PPP6R3: variants seen among roughly 807,000 people sequenced by gnomAD.
The protein encoded by PPP6R3 is protein phosphatase 6 regulatory subunit 3.
A neutral mutation model predicts 110.7 loss-of-function variants in PPP6R3; 38 were observed. The ratio of observed to expected loss-of-function variants is 0.34; its 90% CI spans 0.26 to 0.45. The LOEUF (loss-of-function observed/expected upper bound fraction) is 0.45, where lower values mean the gene tolerates loss of function less well. Among genes scored for constraint, PPP6R3 ranks in the 20% least tolerant of loss-of-function variants. PPP6R3 has a pLI of 1.00. For missense variants in PPP6R3, 870 were observed against 1,062.4 expected (o/e 0.82, Z 2.52); for synonymous variants, 369 against 373.5 (o/e 0.99, Z 0.14).
At chr11:68,515,754 A>G (rs2099133450) in intron 1 of PPP6R3, among the ~76,000 whole-genome samples, 1 of 152,118 alleles carries the variant, frequency 6.6e-6, no homozygotes, top group Admixed American at 6.5e-5. Context: ...TTTAACTGTA[A>G]TTACTTCCTT....
intron 1 of PPP6R3, among the ~76,000 whole-genome samples, chr11:68,493,124 C>G (rs544063901): frequency 6.6e-6 from 1 of 152,258 alleles, no homozygotes; most frequent in Admixed American, 6.5e-5. Flanking sequence ...TGTGCTCATT[C>G]TGCCCTCAAA....
At chr11:68,527,816 C>T (rs912363896) in intron 2 of PPP6R3, among the ~76,000 whole-genome samples, 1 of 152,212 alleles carries the variant, frequency 6.6e-6, no homozygotes, top group Admixed American at 6.5e-5. Context: ...AAGGCTCCTC[C>T]TTCCTGTTGT....
intron 14 of PPP6R3, among the ~76,000 whole-genome samples, chr11:68,578,898 C>T (rs2099542332): frequency 6.6e-6 from 1 of 152,138 alleles, no homozygotes; most frequent in Non-Finnish European, 1.5e-5. Context: ...TGTGTTTTGA[C>T]CAAGTCCCCA....
intron 8 of PPP6R3, among the ~76,000 whole-genome samples, chr11:68,561,646 C>G (rs2099421669): frequency 6.6e-6 from 1 of 152,190 alleles, no homozygotes; most frequent in African/African-American, 2.4e-5. Flanking sequence ...CAGATCTGAT[C>G]ACATCAGATC....
intron 1 of PPP6R3, among the ~76,000 whole-genome samples, chr11:68,508,534 A>G: frequency 6.6e-6 from 1 of 152,310 alleles, no homozygotes; most frequent in South Asian, 2.1e-4. Flanking sequence ...TAGGATGGAA[A>G]AGTACTTGCA....
At chr11:68,559,656 C>T (rs1321574727) in intron 8 of PPP6R3, among the ~76,000 whole-genome samples, 1 of 152,188 alleles carries the variant, frequency 6.6e-6, no homozygotes, top group Non-Finnish European at 1.5e-5. Flanking sequence ...AATGGAAGGG[C>T]AGTGTGATGG....
intron 1 of PPP6R3, among the ~76,000 whole-genome samples, chr11:68,472,740 T>C (rs1349366629): frequency 6.6e-6 from 1 of 151,986 alleles, no homozygotes; most frequent in Non-Finnish European, 1.5e-5. Context: ...ATCACCACAA[T>C]CTAACTTTGT....
chr11:68,550,276 G>T (rs974354055), intron 5 of PPP6R3, among the ~76,000 whole-genome samples: 1 of 152,160 alleles, frequency 6.6e-6, no homozygotes, highest in African/African-American at 2.4e-5. Context: ...TCGTTGAGCA[G>T]CCAGAGAGTG....
At chr11:68,543,245 G>A (rs555509415) in intron 3 of PPP6R3, among the ~76,000 whole-genome samples, 1 of 152,274 alleles carries the variant, frequency 6.6e-6, no homozygotes, top group Admixed American at 6.5e-5. Context: ...AACTTAGCTA[G>A]TGTGACTCTA....
At chr11:68,598,709 C>CT (rs2099621505) in intron 19 of PPP6R3, among the ~76,000 whole-genome samples, 1 of 152,158 alleles carries the variant, frequency 6.6e-6, no homozygotes, top group African/African-American at 2.4e-5. Context: ...CTGGGAAAGA[C>CT]TATCTCAAAG....
intron 1 of PPP6R3, among the ~76,000 whole-genome samples, chr11:68,496,467 C>T (rs534703695): frequency 3.5e-4 from 53 of 151,944 alleles, no homozygotes; most frequent in Non-Finnish European, 5.0e-4. Context: ...TGTGCCACTG[C>T]GCTTGCCTCA....
intron 6 of PPP6R3, among the ~76,000 whole-genome samples, chr11:68,551,613 C>T (rs764851666): frequency 2.0e-5 from 3 of 152,096 alleles, no homozygotes; most frequent in African/African-American, 4.8e-5. Context: ...CTCAGCTTCC[C>T]GAGTAGCTGG....
chr11:68,611,640 G>A (rs1466120659), intron 23 of PPP6R3, among the ~76,000 whole-genome samples: 1 of 152,064 alleles, frequency 6.6e-6, no homozygotes, highest in Non-Finnish European at 1.5e-5. Flanking sequence ...TGCAGCACAC[G>A]GACACCCAGT....
rs563230067 is a variant in PPP6R3, at chr11:68,549,307, G to A, written c.552+1103G>A. Among the ~76,000 whole-genome samples the A allele has an allele frequency of 2.6e-5, 4 of 152,330 alleles. No individual in the cohort carries two copies. In the South Asian group the frequency reaches 8.3e-4, roughly 32 times the overall value. ...CATTTCTTTGGAAATGAGTTTTGTT[G>A]AGAATGCTAATTGTTATTTAAGACC... is the stretch of plus-strand genomic sequence containing the variant. On this transcript the variant is annotated intron_variant, in intron 5 of 23. Transcript: ENST00000393800.
At chr11:68,475,819 C>G (rs1267561520) in intron 1 of PPP6R3, among the ~76,000 whole-genome samples, 10 of 151,474 alleles carry the variant, frequency 6.6e-5, no homozygotes, top group Admixed American at 6.6e-4. Flanking sequence ...CCTCACTTCT[C>G]AGACGGGGTG....
chr11:68,570,028 T>G, intron 11 of PPP6R3, 131 bp downstream of exon 11: 1 of 817,226 alleles, frequency 1.2e-6, no homozygotes, highest in Non-Finnish European at 1.8e-6. Context: ...GACAATCATG[T>G]GTTCGTTTCA....
intron 1 of PPP6R3, among the ~76,000 whole-genome samples, chr11:68,508,109 G>T (rs2153517131): frequency 7.1e-6 from 1 of 140,450 alleles, no homozygotes; most frequent in African/African-American, 2.8e-5. Context: ...CGGCCTAAGT[G>T]AGTTTTTTGG....
intron 22 of PPP6R3, among the ~76,000 whole-genome samples, chr11:68,603,830 C>G (rs1284039243): frequency 6.6e-6 from 1 of 152,200 alleles, no homozygotes; most frequent in Non-Finnish European, 1.5e-5. Context: ...TTCAGGTCGA[C>G]TGGTTTTACA....
At chr11:68,488,404 G>C (rs2098962237) in intron 1 of PPP6R3, among the ~76,000 whole-genome samples, 1 of 152,142 alleles carries the variant, frequency 6.6e-6, no homozygotes, top group South Asian at 2.1e-4. Context: ...GAGCTCCTGG[G>C]CTCAAGCAGT....
Sources: gnomAD v4.1 joint callset for allele counts (sites outside exome capture counted in the v4.1 genomes callset) on GRCh38, gnomAD v4.1.1 for gene constraint, MANE v1.5 for transcripts, NCBI Gene and HGNC (gene_info 2026-07-23, HGNC 2026-07-21) for gene names.